NSMCE2: variants seen among roughly 807,000 people sequenced by gnomAD.
NSMCE2 encodes E3 SUMO-protein ligase NSE2.
Under a neutral mutation model 23.8 loss-of-function variants are expected in NSMCE2, and 24 were observed. The ratio of observed to expected loss-of-function variants is 1.01; its 90% CI spans 0.73 to 1.42. NSMCE2 has a LOEUF of 1.42. NSMCE2 is among the 40% of genes most tolerant of loss of function. The pLI is 0.00. For missense variants in NSMCE2, 284 were observed against 296.5 expected, an observed-to-expected ratio of 0.96 and a Z score of 0.31; for synonymous variants, 92 against 94.1, an observed-to-expected ratio of 0.98 and a Z score of 0.13.
chr8:125,116,381 T>A (rs892832987), intron 3 of NSMCE2, among the ~76,000 whole-genome samples: 5 of 152,204 alleles, frequency 3.3e-5, no homozygotes, highest in Admixed American at 3.3e-4. Context: ...AAAAATGAGA[T>A]CAAAGATTTT....
intron 5 of NSMCE2, among the ~76,000 whole-genome samples, chr8:125,247,632 G>A (rs1826042214): frequency 6.6e-6 from 1 of 151,878 alleles, no homozygotes. Flanking sequence ...GGCTGAGGCA[G>A]GAGAATCGCT....
chr8:125,247,488 C>T (rs1826034383), intron 5 of NSMCE2, among the ~76,000 whole-genome samples: 1 of 152,068 alleles, frequency 6.6e-6, no homozygotes, highest in Admixed American at 6.5e-5. Context: ...ACTTGGGGAG[C>T]CCAAGGCCGG....
At chr8:125,165,708 G>T (rs868001429) in intron 4 of NSMCE2, among the ~76,000 whole-genome samples, 8 of 152,146 alleles carry the variant, frequency 5.3e-5, no homozygotes, top group Admixed American at 2.6e-4. Flanking sequence ...AAGCATCTAA[G>T]TGTGGTTTTT....
chr8:125,159,285 A>T (rs1030192865), intron 4 of NSMCE2, among the ~76,000 whole-genome samples: 1 of 152,260 alleles, frequency 6.6e-6, no homozygotes, highest in East Asian at 1.9e-4. Context: ...AAACATAGTC[A>T]TACAGTCATG....
intron 5 of NSMCE2, among the ~76,000 whole-genome samples, chr8:125,253,088 C>T (rs1193183135): frequency 1.3e-5 from 2 of 152,188 alleles, no homozygotes; most frequent in African/African-American, 4.8e-5. Flanking sequence ...CTCATGATTT[C>T]CGATTGGAAA....
chr8:125,293,518 A>G (rs1216696969), intron 5 of NSMCE2, among the ~76,000 whole-genome samples: 2 of 150,804 alleles, frequency 1.3e-5, no homozygotes, highest in Non-Finnish European at 2.9e-5. Context: ...TCAATAAATG[A>G]TCACTGAGCA....
At chr8:125,278,417 C>T (rs1827559637) in intron 5 of NSMCE2, among the ~76,000 whole-genome samples, 1 of 152,138 alleles carries the variant, frequency 6.6e-6, no homozygotes, top group African/African-American at 2.4e-5. Context: ...GCCCCAAGGG[C>T]AGTATGCTAG....
chr8:125,360,882 A>G (rs920550117), intron 7 of NSMCE2, among the ~76,000 whole-genome samples: 2 of 152,150 alleles, frequency 1.3e-5, no homozygotes, highest in Non-Finnish European at 2.9e-5. Context: ...TGTTCTGGGC[A>G]CTGCCTGAAT....
intron 3 of NSMCE2, among the ~76,000 whole-genome samples, chr8:125,106,255 T>C (rs1250108280): frequency 6.6e-6 from 1 of 152,052 alleles, no homozygotes; most frequent in Non-Finnish European, 1.5e-5. Flanking sequence ...ACTAAAACAA[T>C]GAGAAAACAG....
At chr8:125,265,740 T>C (rs1028551168) in intron 5 of NSMCE2, among the ~76,000 whole-genome samples, 6 of 152,210 alleles carry the variant, frequency 3.9e-5, no homozygotes, top group Non-Finnish European at 8.8e-5. Flanking sequence ...CCAAATCATA[T>C]GCTCTTCTCA....
chr8:125,288,376 T>TA (rs1258678953), intron 5 of NSMCE2, among the ~76,000 whole-genome samples: 1 of 152,222 alleles, frequency 6.6e-6, no homozygotes, highest in Non-Finnish European at 1.5e-5. Flanking sequence ...TAGTGCATCA[T>TA]ACACTGAAAT....
intron 5 of NSMCE2, among the ~76,000 whole-genome samples, chr8:125,250,140 C>A (rs1187919618): frequency 2.0e-5 from 3 of 152,164 alleles, no homozygotes; most frequent in Non-Finnish European, 2.9e-5. Flanking sequence ...CAGTCATGCA[C>A]CACCATGCCT....
At chr8:125,119,762 G>A (rs1034276663) in intron 3 of NSMCE2, among the ~76,000 whole-genome samples, 13 of 152,070 alleles carry the variant, frequency 8.5e-5, no homozygotes, top group African/African-American at 3.1e-4. Context: ...TTTGTAGATT[G>A]GCAATTAACA....
intron 5 of NSMCE2, among the ~76,000 whole-genome samples, chr8:125,328,333 C>G (rs1309135050): frequency 6.6e-6 from 1 of 152,016 alleles, no homozygotes; most frequent in African/African-American, 2.4e-5. Flanking sequence ...ACTGTAGTCT[C>G]CATTTAAGAA....
At chr8:125,333,238 C>T (rs72720596) in intron 5 of NSMCE2, among the ~76,000 whole-genome samples, 13,914 of 151,860 alleles carry the variant, frequency 0.092, 727 homozygotes, top group South Asian at 0.16. Context: ...GGCACGATCA[C>T]GGCTCACTGC....
At chr8:125,332,852 A>C (rs370907705) in intron 5 of NSMCE2, among the ~76,000 whole-genome samples, 33 of 152,192 alleles carry the variant, frequency 2.2e-4, no homozygotes, top group East Asian at 9.6e-4. Context: ...TTATGAACCA[A>C]CCTTTGATTT....
At chr8:125,194,938 A>G (rs531686207) in intron 5 of NSMCE2, among the ~76,000 whole-genome samples, 1 of 152,164 alleles carries the variant, frequency 6.6e-6, no homozygotes, top group Admixed American at 6.5e-5. Context: ...TTCTACATTT[A>G]TTCTTTAATT....
chr8:125,359,072 C>T (rs1257203268), intron 7 of NSMCE2, among the ~76,000 whole-genome samples: 1 of 151,866 alleles, frequency 6.6e-6, no homozygotes, highest in Non-Finnish European at 1.5e-5. Context: ...AGAGACCATC[C>T]TGGCTAACAC....
intron 5 of NSMCE2, among the ~76,000 whole-genome samples, chr8:125,279,537 T>G (rs1019110904): frequency 6.6e-6 from 1 of 152,242 alleles, no homozygotes; most frequent in African/African-American, 2.4e-5. Flanking sequence ...CTTAACTTTG[T>G]GTCGGATATA....
Sources: gnomAD v4.1 joint callset for allele counts (sites outside exome capture counted in the v4.1 genomes callset) on GRCh38, gnomAD v4.1.1 for gene constraint, MANE v1.5 for transcripts, NCBI Gene and HGNC (gene_info 2026-07-23, HGNC 2026-07-21) for gene names.